DPH1: variants seen among roughly 807,000 people sequenced by gnomAD.
DPH1 encodes diphthamide biosynthesis 1.
In DPH1, 59 loss-of-function variants were observed where a neutral mutation model predicts 55.3. That is an observed-to-expected ratio of 1.07 (90% CI 0.87 to 1.33). The LOEUF (loss-of-function observed/expected upper bound fraction) is 1.33, where lower values mean the gene tolerates loss of function less well. Among genes scored for constraint, DPH1 ranks in the 40% most tolerant of loss-of-function variants. The pLI is 0.00. For synonymous variants in DPH1, 238 were observed against 235.5 expected, an observed-to-expected ratio of 1.01 and a Z score of -0.10; for missense variants, 628 against 584.8, an observed-to-expected ratio of 1.07 and a Z score of -0.76.
At chr17:2,041,963 C>G (rs2067537910) in intron 12 of DPH1, 88 bp downstream of exon 12, 1 of 1,517,346 alleles carries the variant, frequency 6.6e-7, no homozygotes, top group Non-Finnish European at 8.8e-7. Context: ...CGGGGCGGTG[C>G]TGACGTTCGG....
intron 9 of DPH1, 84 bp downstream of exon 9, chr17:2,040,689 G>T: frequency 2.0e-6 from 3 of 1,465,632 alleles, no homozygotes; most frequent in Non-Finnish European, 2.9e-6. Flanking sequence ...GGAGCCAACA[G>T]GAATTGCTTC....
intron 3 of DPH1, 54 bp downstream of exon 3, chr17:2,033,896 T>G: frequency 6.2e-7 from 1 of 1,603,864 alleles, no homozygotes; most frequent in Non-Finnish European, 8.5e-7. Flanking sequence ...CCACCCCCTA[T>G]GCTCATTACC....
chr17:2,042,005 G>GA (rs1567549290), intron 12 of DPH1, 130 bp downstream of exon 12: 1 of 1,492,760 alleles, frequency 6.7e-7, no homozygotes, highest in Non-Finnish European at 8.9e-7. Flanking sequence ...TCCGCTCGGG[G>GA]AAAGACCGCT....
chr17:2,036,286 C>T lies in DPH1; in HGVS notation c.400+195C>T, dbSNP rs1300882863. 6 of 1,165,474 alleles carry T rather than the reference C, an allele frequency of 5.1e-6. No individual in the cohort carries two copies. The highest frequency in any genetic ancestry group is 1.6e-5 in the African/African-American group (1 of 64,330). The allele number at this position is 1,165,474 out of a possible 1,614,324, so 72.2% of individuals were successfully genotyped here. A position where few individuals can be genotyped will look rare whatever the true frequency, so the allele number is the denominator to read the frequency against. On this transcript the variant is annotated intron_variant, in intron 4 of 12. Coordinates refer to ENST00000263083, the MANE Select transcript of DPH1 (RefSeq NM_001383.6). This position sits in a 1 kb window ranked among gnomAD's most constrained non-coding sequence, Gnocchi z 4.8. ...ATTTGGTTGCCTTGGCAACGGTGCT[C>T]TGTCCCAGATGCAGGTGTTTGAAAG...
chr17:2,030,518 G>T (rs972326238), intron 1 of DPH1, among the ~76,000 whole-genome samples: 11 of 152,196 alleles, frequency 7.2e-5, no homozygotes, highest in African/African-American at 2.4e-4. Flanking sequence ...GACGGGGAGG[G>T]AAAGGGCCAG....
rs1156598741 is a variant in DPH1 at position 2,041,847 on chromosome 17, T to A, written c.1307T>A (p.Leu436Gln). Residue 436 changes from leucine (L) to glutamine (Q), a missense_variant, in exon 12 of 13, where the codon CTG becomes CAG. Transcript: ENST00000263083. ...TGCAGGGACGAGAAGGTGGCGCCGCTGGCTCCTTGACGCGCTCCCGGGCCT... is the reference window on the plus strand; with the variant it reads ...TGCAGGGACGAGAAGGTGGCGCCGCAGGCTCCTTGACGCGCTCCCGGGCCT... ...CSCRDEKVAP[L>Q]AP is the part of the protein sequence containing the mutation. The A allele has an allele frequency of 6.3e-7, 1 of 1,598,088 alleles. No homozygotes were observed. Among genetic ancestry groups the A allele is most frequent in the Non-Finnish European group, 8.5e-7 (1 of 1,174,412 alleles).
chr17:2,041,963 C>T (rs2067537910), intron 12 of DPH1, 88 bp downstream of exon 12: 2 of 1,517,226 alleles, frequency 1.3e-6, no homozygotes, highest in African/African-American at 2.8e-5. Context: ...CGGGGCGGTG[C>T]TGACGTTCGG....
intron 6 of DPH1, among the ~76,000 whole-genome samples, chr17:2,038,147 C>CA (rs201391773): frequency 0.046 from 4,983 of 107,772 alleles, 446 homozygotes; most frequent in East Asian, 0.31. Context: ...CTGTTCTCTC[C>CA]AAAAAAAAAA....
chr17:2,034,420 A>G (rs1045905030), intron 3 of DPH1, among the ~76,000 whole-genome samples: 1 of 151,188 alleles, frequency 6.6e-6, no homozygotes, highest in Non-Finnish European at 1.5e-5. Flanking sequence ...GGAACGAAGA[A>G]AGGGGAGGTC....
intron 7 of DPH1, 147 bp from the exon 8 acceptor site, chr17:2,040,071 A>G (rs1403705871): frequency 8.1e-7 from 1 of 1,233,962 alleles, no homozygotes; most frequent in African/African-American, 1.5e-5. Context: ...AGGTCTTCCT[A>G]ATGACAGTCC....
chr17:2,030,141 C>T (rs777334847), upstream of DPH1: 294 of 1,594,112 alleles, frequency 1.8e-4, no homozygotes, highest in Non-Finnish European at 2.3e-4. Context: ...CCAGCGCTGT[C>T]TTTTTAGTAC....
At chr17:2,035,599 G>T (rs1363124229) in intron 3 of DPH1, among the ~76,000 whole-genome samples, 1 of 150,250 alleles carries the variant, frequency 6.7e-6, no homozygotes, top group Non-Finnish European at 1.5e-5. Flanking sequence ...ACAGCACTCA[G>T]CGCGGGAGTG....
rs565051894 is a variant in DPH1, at chr17:2,041,865, C to T, written c.*8C>T. ...GCGCCGCTGGCTCCTTGACGCGCTCCCGGGCCTCAGGTATCAGCCCCCGCT... is the reference window on the plus strand; with the variant it reads ...GCGCCGCTGGCTCCTTGACGCGCTCTCGGGCCTCAGGTATCAGCCCCCGCT... On this transcript the variant is annotated 3_prime_UTR_variant, in exon 12 of 13. Coordinates refer to ENST00000263083, the MANE Select transcript of DPH1 (RefSeq NM_001383.6). 3.2e-5 allele frequency: 51 copies of T among 1,585,906 alleles called. No individual in the cohort carries two copies. In the African/African-American group the frequency reaches 5.5e-4, roughly 17 times the overall value.
chr17:2,043,155 T>C lies in DPH1; in HGVS notation c.*569T>C, dbSNP rs774425698. The C allele has an allele frequency of 2.5e-6, 4 of 1,575,120 alleles. No individual in the cohort carries two copies. In the Admixed American group the frequency reaches 5.1e-5, roughly 20 times the overall value. On this transcript the variant is annotated 3_prime_UTR_variant, in exon 13 of 13. Coordinates refer to ENST00000263083, the MANE Select transcript of DPH1 (RefSeq NM_001383.6). Reference sequence around the variant, plus strand: ...ACATCCAGCTCCTCTAGGGGCAGCCTCCGTCATCCATGCCCTCCCAGGACC... The same window carrying C: ...ACATCCAGCTCCTCTAGGGGCAGCCCCCGTCATCCATGCCCTCCCAGGACC...
rs142541706 is a variant in DPH1, at chr17:2,043,732, C to G, written c.*1146C>G. On this transcript the variant is annotated 3_prime_UTR_variant, in exon 13 of 13. Transcript: ENST00000263083. ...ATTTAGTCTTCCTCTATCCAGATCACTGAGAGTTGTGTGCTGGTCTTCTCT... is the reference window on the plus strand; with the variant it reads ...ATTTAGTCTTCCTCTATCCAGATCAGTGAGAGTTGTGTGCTGGTCTTCTCT... 313 of 152,902 alleles carry G rather than the reference C, an allele frequency of 2.0e-3. 1 individual carries two copies. Among genetic ancestry groups the G allele is most frequent in the Non-Finnish European group, 3.8e-3 (262 of 68,482 alleles). The allele number at this position is 152,902 out of a possible 1,614,324, so 9.5% of individuals were successfully genotyped here.
chr17:2,043,210 C>A lies in DPH1; in HGVS notation c.*624C>A, dbSNP rs2044515091. On this transcript the variant is annotated 3_prime_UTR_variant, in exon 13 of 13. Transcript: ENST00000263083. ...ACTCACTGCTGTGAGTGCGCCTCACCAGAACCAGTTAAGAGACAACTATCA... is the reference window on the plus strand; with the variant it reads ...ACTCACTGCTGTGAGTGCGCCTCACAAGAACCAGTTAAGAGACAACTATCA... 7.5e-7 allele frequency: 1 copy of A among 1,334,570 alleles called. No individual in the cohort carries two copies. The highest frequency in any genetic ancestry group is 1.0e-6 in the Non-Finnish European group (1 of 975,374). The allele number at this position is 1,334,570 out of a possible 1,614,324, so 82.7% of individuals were successfully genotyped here.
chr17:2,041,515 A>G lies in DPH1; in HGVS notation c.1121A>G (p.Gln374Arg), dbSNP rs776656445. 1 of 1,612,298 alleles carries G rather than the reference A, an allele frequency of 6.2e-7. No individual in the cohort carries two copies. Among genetic ancestry groups the G allele is most frequent in the Admixed American group, 1.7e-5 (1 of 59,734 alleles). Residue 374 changes from glutamine (Q) to arginine (R), a missense_variant, in exon 11 of 13, where the codon CAG (glutamine) becomes CGG (arginine). Gln to Arg is a conservative substitution (Grantham distance 43). Transcript: ENST00000263083. ...GCTCTGAGGGACATTTCCTGGCAGC[A>G]GCCCTACCCGATGGACTTCTACGCT... ...AVALRDISWQ[Q>R]PYPMDFYAGS...
Position 2,042,932 on chromosome 17 carries a change from C to T in DPH1, c.*346C>T, listed in dbSNP as rs760502735. ...CTGCAAAGGCCCTTGTCATTGCCTT[C>T]GCTCCATGTTTTTGGGGACACTGAC... On this transcript the variant is annotated 3_prime_UTR_variant, in exon 13 of 13. Coordinates refer to ENST00000263083, the MANE Select transcript of DPH1 (RefSeq NM_001383.6). 4 of 1,614,068 alleles carry T rather than the reference C, an allele frequency of 2.5e-6. No individual in the cohort carries two copies. The highest frequency in any genetic ancestry group is 1.3e-5 in the African/African-American group (1 of 74,932).
At chr17:2,035,445 T>TGGTGGGGAGGGGGTGGGGGCCCTGCTTGC (rs2067403468) in intron 3 of DPH1, among the ~76,000 whole-genome samples, 1 of 11,604 alleles carries the variant, frequency 8.6e-5, no homozygotes, top group South Asian at 2.7e-3. Context: ...GCCCTGCCTG[T>TGGTGGGGAGGGGGTGGGGGCCCTGCTTGC]GGTGGGGAGG....
Sources: allele counts gnomAD v4.1 joint callset (sites outside exome capture counted in the v4.1 genomes callset), GRCh38; gene constraint gnomAD v4.1.1; non-coding constraint Gnocchi (gnomAD v3.1); transcripts MANE v1.5; gene names NCBI Gene and HGNC (gene_info 2026-07-23, HGNC 2026-07-21).